The following LRRC63 variants were observed in gnomAD, a reference collection of about 807,000 sequenced individuals.
The protein encoded by LRRC63 is leucine-rich repeat-containing protein 63.
In LRRC63, 40 loss-of-function variants were observed where a neutral mutation model predicts 49.5. The ratio of observed to expected loss-of-function variants is 0.81; its 90% CI spans 0.63 to 1.05. The LOEUF is 1.05. LRRC63 is among the 50% of genes least tolerant of loss of function. LRRC63 has a pLI of 0.00. For synonymous variants in LRRC63, 191 were observed against 221.1 expected, an observed-to-expected ratio of 0.86 and a Z score of 1.21; for missense variants, 636 against 663.1, an observed-to-expected ratio of 0.96 and a Z score of 0.45.
intron 2 of LRRC63, among the ~76,000 whole-genome samples, chr13:46,215,199 C>A (rs1031623844): frequency 5.9e-5 from 9 of 152,232 alleles, no homozygotes; most frequent in African/African-American, 2.2e-4. Context: ...CTGTCTTCCA[C>A]AATGGTTGAA....
chr13:46,219,353 A>G (rs2046340871), intron 2 of LRRC63, among the ~76,000 whole-genome samples: 1 of 151,890 alleles, frequency 6.6e-6, no homozygotes, highest in Non-Finnish European at 1.5e-5. Context: ...CATTAAGTTG[A>G]TCTTCAGTCT....
intron 6 of LRRC63, chr13:46,250,051 G>A (rs937871140): frequency 2.3e-5 from 4 of 170,650 alleles, no homozygotes; most frequent in African/African-American, 7.1e-5. Flanking sequence ...TCATTATTCC[G>A]TGATTTCCTC....
At chr13:46,229,632 T>C (rs999960606) in intron 4 of LRRC63, among the ~76,000 whole-genome samples, 2 of 152,170 alleles carry the variant, frequency 1.3e-5, no homozygotes, top group African/African-American at 4.8e-5. Context: ...TCAAAAAATC[T>C]GCATACAAGC....
chr13:46,269,872 A>G (rs2047732286), intron 9 of LRRC63, among the ~76,000 whole-genome samples: 1 of 147,014 alleles, frequency 6.8e-6, no homozygotes, highest in African/African-American at 2.5e-5. Context: ...TGTAGTAGAT[A>G]TATCTACTGT....
chr13:46,270,506 G>T, intron 9 of LRRC63: 1 of 784,558 alleles, frequency 1.3e-6, no homozygotes, highest in Non-Finnish European at 2.3e-6. Context: ...AGGCTACATT[G>T]CAGTTGAGTT....
intron 7 of LRRC63, among the ~76,000 whole-genome samples, chr13:46,255,281 A>ATT (rs1184229773): frequency 2.0e-5 from 3 of 152,102 alleles, no homozygotes; most frequent in African/African-American, 7.2e-5. Flanking sequence ...AGAGGGGAGA[A>ATT]TTGGGAGTAG....
chr13:46,251,649 A>G (rs1046077657), intron 7 of LRRC63, among the ~76,000 whole-genome samples: 1 of 151,940 alleles, frequency 6.6e-6, no homozygotes, highest in Non-Finnish European at 1.5e-5. Flanking sequence ...ATATGTATGT[A>G]TACTAACCCA....
At chr13:46,213,859 T>C (rs1421400672) in intron 2 of LRRC63, among the ~76,000 whole-genome samples, 1 of 152,216 alleles carries the variant, frequency 6.6e-6, no homozygotes, top group Non-Finnish European at 1.5e-5. Context: ...GAGTAATTCA[T>C]TGTTTGTAGA....
At chr13:46,255,485 G>A (rs2047485402) in intron 7 of LRRC63, among the ~76,000 whole-genome samples, 1 of 151,714 alleles carries the variant, frequency 6.6e-6, no homozygotes, top group African/African-American at 2.4e-5. Flanking sequence ...GGGCAACATG[G>A]TAAAACCCCA....
intron 7 of LRRC63, among the ~76,000 whole-genome samples, chr13:46,253,862 T>C (rs1465103085): frequency 6.6e-6 from 1 of 152,172 alleles, no homozygotes; most frequent in Non-Finnish European, 1.5e-5. Flanking sequence ...AACATGTTGA[T>C]TTTAGATTTC....
chr13:46,276,444 A>G, intron 9 of LRRC63, 146 bp from the exon 10 acceptor site: 1 of 395,594 alleles, frequency 2.5e-6, no homozygotes, highest in Non-Finnish European at 4.4e-6. Context: ...TTTAGCGTTT[A>G]GTCTTTCACT....
intron 5 of LRRC63, among the ~76,000 whole-genome samples, chr13:46,237,513 GAACTT>G (rs1594047826): frequency 6.6e-6 from 1 of 151,772 alleles, no homozygotes; most frequent in African/African-American, 2.4e-5. Context: ...CTCAAATTAA[GAACTT>G]AACTTTACAC....
Position 46,257,746 on chromosome 13 carries a change from G to A in LRRC63, c.1227-4163G>A, listed in dbSNP as rs1024975261. On this transcript the variant is annotated intron_variant, in intron 7 of 9. Coordinates refer to ENST00000595396, the Ensembl canonical transcript of LRRC63. Reference sequence around the variant, plus strand: ...CAATTGGTTACTCAATTTGTTTGAAGCCCTAGTGTTAGGATTTAAATTAAG... The same window carrying A: ...CAATTGGTTACTCAATTTGTTTGAAACCCTAGTGTTAGGATTTAAATTAAG... Among the ~76,000 whole-genome samples the A allele has an allele frequency of 6.6e-5, 10 of 152,210 alleles. No homozygotes were observed. In the East Asian group the frequency reaches 1.9e-3, roughly 29 times the overall value.
At chr13:46,223,488 T>TG (rs201792397) in intron 2 of LRRC63, among the ~76,000 whole-genome samples, 1,783 of 151,576 alleles carry the variant, frequency 0.012, 17 homozygotes, top group Middle Eastern at 0.024. Flanking sequence ...TTTTTTGTTT[T>TG]TTTTTTTTTT....
chr13:46,241,337 G>A (rs2047057093), intron 5 of LRRC63, among the ~76,000 whole-genome samples: 1 of 151,544 alleles, frequency 6.6e-6, no homozygotes, highest in Non-Finnish European at 1.5e-5. Context: ...ATATATTAAA[G>A]ACTTTAATGT....
chr13:46,240,166 G>T (rs1368732993), intron 5 of LRRC63, among the ~76,000 whole-genome samples: 2 of 131,714 alleles, frequency 1.5e-5, no homozygotes, highest in Non-Finnish European at 1.6e-5. Flanking sequence ...TCGCTCTGTT[G>T]CCCAGGCTGG....
chr13:46,218,925 T>C (rs1405532656), intron 2 of LRRC63, among the ~76,000 whole-genome samples: 1 of 152,228 alleles, frequency 6.6e-6, no homozygotes, highest in Non-Finnish European at 1.5e-5. Context: ...TGCTGAATAT[T>C]GGCCCCCACT....
At chr13:46,231,500 C>T (rs2046753782) in intron 4 of LRRC63, among the ~76,000 whole-genome samples, 1 of 151,888 alleles carries the variant, frequency 6.6e-6, no homozygotes, top group African/African-American at 2.4e-5. Flanking sequence ...AGAGGTGCCA[C>T]ACACTTTTTC....
intron 7 of LRRC63, among the ~76,000 whole-genome samples, chr13:46,257,106 G>A (rs1339365091): frequency 6.6e-6 from 1 of 152,162 alleles, no homozygotes; most frequent in East Asian, 1.9e-4. Flanking sequence ...TACCACCTGA[G>A]GACTTGACTT....
Sources: allele counts gnomAD v4.1 joint callset (sites outside exome capture counted in the v4.1 genomes callset), GRCh38; gene constraint gnomAD v4.1.1; transcripts MANE v1.5; gene names NCBI Gene and HGNC (gene_info 2026-07-23, HGNC 2026-07-21).